FAM53A: variants seen among roughly 807,000 people sequenced by gnomAD.
The protein encoded by FAM53A is protein FAM53A.
A neutral mutation model predicts 26.6 loss-of-function variants in FAM53A; 28 were observed. That is an observed-to-expected ratio of 1.05 (90% CI 0.78 to 1.45). The LOEUF (loss-of-function observed/expected upper bound fraction) is 1.45, where lower values mean the gene tolerates loss of function less well. FAM53A is among the 40% of genes most tolerant of loss of function. The probability of loss-of-function intolerance (pLI) is 0.00; values close to 1 mark genes in which losing one functional copy is unlikely to be tolerated. For missense variants in FAM53A, 650 were observed against 575.8 expected (o/e 1.13, Z -1.32); for synonymous variants, 290 against 253.1 (o/e 1.15, Z -1.38).
At chr4:1,679,232 CA>C (rs1474614524) in intron 1 of FAM53A, among the ~76,000 whole-genome samples, 5 of 150,854 alleles carry the variant, frequency 3.3e-5, no homozygotes, top group Non-Finnish European at 7.4e-5. Flanking sequence ...CAAAAAACTA[CA>C]AAAATTAGCC....
At chr4:1,652,146 A>AGG in intron 4 of FAM53A, among the ~76,000 whole-genome samples, 1 of 124,270 alleles carries the variant, frequency 8.0e-6, no homozygotes, top group Non-Finnish European at 1.6e-5. Context: ...CACCACACAC[A>AGG]CCACACGTCA....
chr4:1,607,681 C>G, the FAM53A span, among the ~76,000 whole-genome samples: 84 of 152,298 alleles, frequency 5.5e-4, no homozygotes, highest in Admixed American at 2.5e-3. Context: ...TGGCTCACAC[C>G]TCTAATCCCA....
intron 2 of FAM53A, among the ~76,000 whole-genome samples, chr4:1,658,861 G>T (rs1309216991): frequency 6.6e-6 from 1 of 152,226 alleles, no homozygotes; most frequent in African/African-American, 2.4e-5. Flanking sequence ...AACACAGAAG[G>T]CCACCCTGTG....
Position 1,621,101 on chromosome 4 carries a change from C to CTTTTTTT in FAM53A, c.432-2997_432-2991dup, listed in dbSNP as rs574102929. Among the ~76,000 whole-genome samples, 214 of 95,498 alleles carry CTTTTTTT rather than the reference C, an allele frequency of 2.2e-3. 25 individuals carry two copies. The highest frequency in any genetic ancestry group is 8.2e-3 in the African/African-American group (197 of 24,162). The allele number at this position is 95,498 out of a possible 152,430, so 62.7% of individuals were successfully genotyped here. ...TTTCCTAGCTGAGTCAGCTACGCTA[C>CTTTTTTT]TTTTTTTTTTTTTTTTTTTTTGAGA... On this transcript the variant is annotated intron_variant, in intron 1 of 1. Transcript: ENST00000489029.
the FAM53A span, among the ~76,000 whole-genome samples, chr4:1,592,636 G>A: frequency 6.6e-6 from 1 of 152,210 alleles, no homozygotes; most frequent in Non-Finnish European, 1.5e-5. Flanking sequence ...TGAGCCCAGG[G>A]CCGTGACACT....
chr4:1,603,646 C>G, the FAM53A span, among the ~76,000 whole-genome samples: 1 of 152,222 alleles, frequency 6.6e-6, no homozygotes, highest in Non-Finnish European at 1.5e-5. Context: ...CCCAAGCATC[C>G]CTGGCCCCAC....
At chr4:1,599,882 G>C in the FAM53A span, among the ~76,000 whole-genome samples, 1 of 152,202 alleles carries the variant, frequency 6.6e-6, no homozygotes, top group East Asian at 1.9e-4. The surrounding 1 kb of genome is among the most constrained non-coding windows in gnomAD (Gnocchi z 6.1). Flanking sequence ...GGTGTGGGCT[G>C]CATGGCGCTG....
intron 4 of FAM53A, among the ~76,000 whole-genome samples, chr4:1,651,577 A>C (rs532973936): frequency 1.1e-4 from 17 of 151,822 alleles, no homozygotes; most frequent in South Asian, 2.1e-4. Flanking sequence ...AAAGCCAACT[A>C]GGATGATGTC....
intron 1 of FAM53A, among the ~76,000 whole-genome samples, chr4:1,629,265 G>C (rs1299382329): frequency 2.6e-5 from 4 of 152,142 alleles, no homozygotes; most frequent in African/African-American, 7.2e-5. Flanking sequence ...GCCCACAGAG[G>C]GAGGCCGAGG....
the FAM53A span, among the ~76,000 whole-genome samples, chr4:1,611,540 T>A: frequency 2.6e-5 from 4 of 152,206 alleles, no homozygotes; most frequent in African/African-American, 9.6e-5. Context: ...GACAGGCAGC[T>A]CCTCACTTCA....
the FAM53A span, among the ~76,000 whole-genome samples, chr4:1,595,218 G>A: frequency 6.6e-6 from 1 of 152,210 alleles, no homozygotes; most frequent in African/African-American, 2.4e-5. Flanking sequence ...CCACCTCCAG[G>A]CTCTGGACGG....
chr4:1,650,975 T>C (rs982686420), intron 4 of FAM53A, among the ~76,000 whole-genome samples: 1 of 150,854 alleles, frequency 6.6e-6, no homozygotes, highest in Non-Finnish European at 1.5e-5. Flanking sequence ...TCCCAGCACT[T>C]TGGGAGGCCG....
At chr4:1,675,601 G>C (rs1260625260) in intron 1 of FAM53A, among the ~76,000 whole-genome samples, 3 of 152,160 alleles carry the variant, frequency 2.0e-5, no homozygotes, top group Admixed American at 2.0e-4. Context: ...AGGTTTCCCT[G>C]CCTCTCGTTC....
intron 2 of FAM53A, among the ~76,000 whole-genome samples, chr4:1,664,377 T>C (rs1714072437): frequency 6.6e-6 from 1 of 152,174 alleles, no homozygotes; most frequent in South Asian, 2.1e-4. Context: ...GGCCGGGCCA[T>C]GGGTATGTAT....
At position 1,659,363 on chromosome 4, in the gene FAM53A, G is replaced by A. The variant is rs1290911770; in HGVS notation, c.76-1895C>T. Among the ~76,000 whole-genome samples, 2 of 152,230 alleles carry A rather than the reference G, an allele frequency of 1.3e-5. No homozygotes were observed. Among genetic ancestry groups the A allele is most frequent in the Non-Finnish European group, 2.9e-5 (2 of 68,034 alleles). On this transcript the variant is annotated intron_variant, in intron 2 of 4. Transcript: ENST00000308132. This position sits in a 1 kb window ranked among gnomAD's most constrained non-coding sequence, Gnocchi z 5.2. ...TCCCCGCAGCAAGCACCAGGACCTC[G>A]CTCTCCTCCTGTTCCGCACAGCACC...
intron 4 of FAM53A, among the ~76,000 whole-genome samples, chr4:1,649,243 A>AG: frequency 6.6e-6 from 1 of 151,372 alleles, no homozygotes; most frequent in African/African-American, 2.4e-5. Context: ...AGGAAAGAAA[A>AG]GGAAAGAGAA....
the FAM53A span, among the ~76,000 whole-genome samples, chr4:1,576,139 C>T: frequency 1.3e-5 from 2 of 152,130 alleles, no homozygotes; most frequent in Non-Finnish European, 2.9e-5. Flanking sequence ...GGGCCCTAGT[C>T]GACGCGTCTT....
chr4:1,655,661 G>C lies in FAM53A; in HGVS notation c.199C>G (p.Pro67Ala). ...AGGCCCGGCAGGAAGGAGAAATCAG[G>C]GCCCGTGGCTGCCTGGCTTCTGACG... ...PPVRSQAATG[P>A]DFSFLPGLSA... Residue 67 changes from proline (P) to alanine (A), a missense_variant, in exon 4 of 5, where the codon CCT (proline) becomes GCT (alanine). By Grantham distance (27) the Pro-to-Ala change is conservative. Transcript: ENST00000308132. 1 of 1,596,206 alleles carries C rather than the reference G, an allele frequency of 6.3e-7. No individual in the cohort carries two copies. The highest frequency in any genetic ancestry group is 1.7e-5 in the Admixed American group (1 of 58,212).
intron 4 of FAM53A, among the ~76,000 whole-genome samples, chr4:1,652,776 C>A (rs919913188): frequency 6.7e-6 from 1 of 148,206 alleles, no homozygotes; most frequent in African/African-American, 2.5e-5. Flanking sequence ...ACACACCACA[C>A]AGCACACACC....
Sources: allele counts gnomAD v4.1 joint callset (sites outside exome capture counted in the v4.1 genomes callset), GRCh38; gene constraint gnomAD v4.1.1; non-coding constraint Gnocchi (gnomAD v3.1); transcripts MANE v1.5; gene names NCBI Gene and HGNC (gene_info 2026-07-23, HGNC 2026-07-21).